RBFOX1: variants seen among roughly 807,000 people sequenced by gnomAD.
RBFOX1 encodes RNA binding protein fox-1 homolog 1.
RBFOX1 carries 8 observed loss-of-function variants against 57.7 expected under a neutral mutation model. The ratio of observed to expected loss-of-function variants is 0.14; its 90% CI spans 0.08 to 0.25. The LOEUF is 0.25. Among genes scored for constraint, RBFOX1 ranks in the 10% least tolerant of loss-of-function variants. The probability of loss-of-function intolerance (pLI) is 1.00; values close to 1 mark genes in which losing one functional copy is unlikely to be tolerated. For synonymous variants in RBFOX1, 326 were observed against 222.4 expected (o/e 1.47, Z -4.15); for missense variants, 611 against 548.5 (o/e 1.11, Z -1.14).
chr16:5,458,951 C>T (rs2068711546), intron 1 of RBFOX1, among the ~76,000 whole-genome samples: 1 of 152,184 alleles, frequency 6.6e-6, no homozygotes, highest in Non-Finnish European at 1.5e-5. Flanking sequence ...TCAACTCTTC[C>T]AGGCTCTTTT....
intron 4 of RBFOX1, among the ~76,000 whole-genome samples, chr16:7,230,196 A>G (rs1265167282): frequency 1.3e-5 from 2 of 151,744 alleles, no homozygotes; most frequent in Non-Finnish European, 2.9e-5. Flanking sequence ...TTAATTGGAC[A>G]TCTGTATATG....
At chr16:7,223,151 A>C (rs949550629) in intron 4 of RBFOX1, among the ~76,000 whole-genome samples, 5 of 152,242 alleles carry the variant, frequency 3.3e-5, no homozygotes, top group African/African-American at 1.2e-4. Context: ...GAAGGGCTGA[A>C]GCGAAGGGTT....
intron 4 of RBFOX1, chr16:7,332,923 G>T: frequency 1.2e-6 from 2 of 1,601,776 alleles, no homozygotes; most frequent in South Asian, 2.2e-5. Flanking sequence ...TAGTTCGGAA[G>T]AAGTTGGGTC....
chr16:5,614,123 C>G (rs1209815289), intron 3 of RBFOX1, among the ~76,000 whole-genome samples: 21 of 152,134 alleles, frequency 1.4e-4, no homozygotes, highest in Admixed American at 1.1e-3. Context: ...TCAATTCTGT[C>G]TTAGACTCCC....
chr16:7,097,673 A>T (rs1266407453), intron 4 of RBFOX1, among the ~76,000 whole-genome samples: 2 of 152,134 alleles, frequency 1.3e-5, no homozygotes, highest in African/African-American at 4.8e-5. Context: ...TCTGGTTTTG[A>T]TCTATATTTT....
At chr16:7,228,309 T>A (rs180913965) in intron 4 of RBFOX1, among the ~76,000 whole-genome samples, 1 of 152,284 alleles carries the variant, frequency 6.6e-6, no homozygotes. Context: ...TAATGATTAT[T>A]ATTCACATAT....
chr16:6,221,181 A>T (rs2097370996), intron 1 of RBFOX1, among the ~76,000 whole-genome samples: 1 of 152,214 alleles, frequency 6.6e-6, no homozygotes, highest in Non-Finnish European at 1.5e-5. Context: ...TTTCCAACTT[A>T]CTTTTCAAAA....
rs570563485 is a variant in RBFOX1, at chr16:7,113,943, C to T, written c.27+61845C>T. 2.6e-5 allele frequency among the ~76,000 whole-genome samples: 4 copies of T among 152,152 alleles called. No homozygotes were observed. The East Asian group carries it at 7.8e-4, about 30-fold the overall frequency. On this transcript the variant is annotated intron_variant, in intron 4 of 15. Transcript: ENST00000550418. ...AGGATATATTCCTAGAAGTAGAATA[C>T]TTGAGCTTTAAAAAAAATCACTTGT...
intron 1 of RBFOX1, among the ~76,000 whole-genome samples, chr16:6,073,380 A>C (rs768653297): frequency 2.6e-5 from 4 of 152,216 alleles, no homozygotes; most frequent in African/African-American, 4.8e-5. Flanking sequence ...CCCCAGAGAC[A>C]CTGTAGGTAC....
chr16:7,679,889 C>A (rs1214843613), intron 14 of RBFOX1, among the ~76,000 whole-genome samples: 1 of 152,100 alleles, frequency 6.6e-6, no homozygotes. Flanking sequence ...GTCTCATTGA[C>A]AAATTTAATG....
At chr16:6,685,141 C>G (rs555630039) in intron 3 of RBFOX1, among the ~76,000 whole-genome samples, 1 of 152,238 alleles carries the variant, frequency 6.6e-6, no homozygotes, top group African/African-American at 2.4e-5. Flanking sequence ...CGAGCTGTCA[C>G]CTTTTATATT....
At chr16:6,483,356 G>C (rs1019103837) in intron 2 of RBFOX1, 24 of 1,495,266 alleles carry the variant, frequency 1.6e-5, no homozygotes, top group African/African-American at 2.8e-5. Context: ...CAGGCAGCCC[G>C]GGCGAGCGAA....
chr16:6,950,747 T>C (rs948344483), intron 3 of RBFOX1, among the ~76,000 whole-genome samples: 1 of 152,156 alleles, frequency 6.6e-6, no homozygotes, highest in African/African-American at 2.4e-5. Flanking sequence ...TTTGCGGCCA[T>C]GTAATATGGG....
intron 3 of RBFOX1, among the ~76,000 whole-genome samples, chr16:6,709,087 T>A (rs1568305772): frequency 6.6e-6 from 1 of 152,150 alleles, no homozygotes; most frequent in Non-Finnish European, 1.5e-5. Flanking sequence ...AAGCACAGAT[T>A]ATTAAAATAA....
chr16:6,604,641 A>G (rs2042587748), intron 2 of RBFOX1, among the ~76,000 whole-genome samples: 1 of 152,242 alleles, frequency 6.6e-6, no homozygotes, highest in South Asian at 2.1e-4. Context: ...TATAAAACCC[A>G]TTATATAACA....
At chr16:5,365,069 G>T (rs1431343189) in intron 1 of RBFOX1, among the ~76,000 whole-genome samples, 1 of 152,106 alleles carries the variant, frequency 6.6e-6, no homozygotes, top group Admixed American at 6.5e-5. Flanking sequence ...AGGGAGTGGG[G>T]AAGAGATGAA....
chr16:7,171,556 G>C (rs2080706915), intron 4 of RBFOX1, among the ~76,000 whole-genome samples: 1 of 152,166 alleles, frequency 6.6e-6, no homozygotes, highest in Admixed American at 6.5e-5. Context: ...TGGCCAAGAG[G>C]CCGCCTCAGT....
intron 2 of RBFOX1, among the ~76,000 whole-genome samples, chr16:6,517,584 T>C (rs1489289890): frequency 6.6e-6 from 1 of 152,072 alleles, no homozygotes; most frequent in African/African-American, 2.4e-5. Context: ...TAGAAATGCT[T>C]TGTGTTTCAG....
intron 3 of RBFOX1, chr16:6,705,146 A>G (rs1323226648): frequency 6.6e-6 from 1 of 152,122 alleles, no homozygotes; most frequent in Non-Finnish European, 1.5e-5. Flanking sequence ...CAAATGTTTC[A>G]GTGAGATGAG....
Sources: allele counts gnomAD v4.1 joint callset (sites outside exome capture counted in the v4.1 genomes callset), GRCh38; gene constraint gnomAD v4.1.1; transcripts MANE v1.5; gene names NCBI Gene and HGNC (gene_info 2026-07-23, HGNC 2026-07-21).